Variants in AEBP2 observed in about 807,000 individuals in gnomAD.
The protein encoded by AEBP2 is zinc finger protein AEBP2.
A neutral mutation model predicts 50.8 loss-of-function variants in AEBP2; 10 were observed. That is an observed-to-expected ratio of 0.20 (90% confidence interval 0.12 to 0.33). AEBP2 has a LOEUF of 0.33. Ranked by LOEUF, AEBP2 falls within the 10% of genes least tolerant of loss-of-function variation. AEBP2 has a pLI of 1.00. For synonymous variants in AEBP2, 296 were observed against 261.3 expected, an observed-to-expected ratio of 1.13 and a Z score of -1.28; for missense variants, 570 against 688.0, an observed-to-expected ratio of 0.83 and a Z score of 1.92.
chr12:19,408,051 C>CAA (rs111495452), intron 1 of AEBP2, among the ~76,000 whole-genome samples: 86 of 138,148 alleles, frequency 6.2e-4, no homozygotes, highest in Middle Eastern at 3.7e-3. Context: ...AACTCTGTCT[C>CAA]AAAAAAAAAA....
chr12:19,507,777 C>CTATA (rs1204993782), intron 5 of AEBP2, among the ~76,000 whole-genome samples: 2 of 152,076 alleles, frequency 1.3e-5, no homozygotes, highest in Non-Finnish European at 2.9e-5. Flanking sequence ...CTCCAAAGTT[C>CTATA]TATAACTGGG....
chr12:19,409,725 CAAT>C (rs1467616671), intron 1 of AEBP2, among the ~76,000 whole-genome samples: 2 of 152,202 alleles, frequency 1.3e-5, no homozygotes, highest in Non-Finnish European at 2.9e-5. Flanking sequence ...TTGACCAAGT[CAAT>C]CAGACCAGCT....
At chr12:19,448,968 C>T (rs1319122565) in intron 1 of AEBP2, among the ~76,000 whole-genome samples, 1 of 152,174 alleles carries the variant, frequency 6.6e-6, no homozygotes, top group Non-Finnish European at 1.5e-5. Flanking sequence ...GTGTGAGCCA[C>T]CACACCTGGC....
Position 19,427,963 on chromosome 12 carries a change from A to G in AEBP2, c.-17+23747A>G, listed in dbSNP as rs191368152. The stretch of plus-strand genomic sequence containing the variant: ...TCTCTTGTTGCCCAGGCTGGAGTGC[A>G]ATGGTGTGATCTCCCGTAATCCCAG... On this transcript the variant is annotated intron_variant, in intron 1 of 3. Transcript: ENST00000538425. 1.0e-3 allele frequency among the ~76,000 whole-genome samples: 155 copies of G among 151,858 alleles called. 2 individuals are homozygous for G. The highest frequency in any genetic ancestry group is 6.6e-3 in the East Asian group (34 of 5,150).
chr12:19,454,346 CTT>C (rs1394510029), intron 1 of AEBP2, among the ~76,000 whole-genome samples: 1 of 152,170 alleles, frequency 6.6e-6, no homozygotes, highest in East Asian at 1.9e-4. Flanking sequence ...TTTATGTCAA[CTT>C]TTAATTGTTA....
rs1432156553 is a variant in AEBP2 at position 19,519,751 on chromosome 12, CT to C, written c.*1637del. On this transcript the variant is annotated 3_prime_UTR_variant, in exon 8 of 8. Coordinates refer to ENST00000266508, the MANE Select transcript of AEBP2 (RefSeq NM_153207.5). ...CGATACATAAATCATTTCTCATTTGCTTTAAAAAATTTAAAAGTGTAAAAAT... is the reference window on the plus strand; with the variant it reads ...CGATACATAAATCATTTCTCATTTGCTTAAAAAATTTAAAAGTGTAAAAAT... The C allele has an allele frequency of 6.6e-6, 1 of 152,416 alleles. No homozygotes were observed. The highest frequency in any genetic ancestry group is 1.5e-5 in the Non-Finnish European group (1 of 67,944). 9.4% of individuals were successfully genotyped at this position (152,416 alleles called of 1,614,324 possible).
intron 1 of AEBP2, chr12:19,456,104 C>T (rs1948265667): frequency 1.0e-5 from 5 of 485,704 alleles, no homozygotes; most frequent in Non-Finnish European, 1.4e-5. Context: ...AAACATTCTC[C>T]TTTCCTTCTG....
At chr12:19,508,684 G>C (rs1205741760) in intron 5 of AEBP2, among the ~76,000 whole-genome samples, 1 of 152,042 alleles carries the variant, frequency 6.6e-6, no homozygotes, top group Non-Finnish European at 1.5e-5. Flanking sequence ...ATGTTAACTT[G>C]CATAGATTCC....
rs1458569471 is a variant in AEBP2 at position 19,446,944 on chromosome 12, AC to A, written c.671+6575del. 2.0e-5 allele frequency among the ~76,000 whole-genome samples: 3 copies of A among 152,246 alleles called. No individual in the cohort carries two copies. In the East Asian group the frequency reaches 5.8e-4, roughly 29 times the overall value. ...TCACAAAAAACAAAAAAACAAAAAA[AC>A]AAAAAAATTAGAGTTGGAACGTGTT... On this transcript the variant is annotated intron_variant, in intron 1 of 7. Transcript: ENST00000266508.
intron 1 of AEBP2, among the ~76,000 whole-genome samples, chr12:19,424,776 G>A (rs1206225366): frequency 1.3e-5 from 2 of 152,062 alleles, no homozygotes; most frequent in African/African-American, 2.4e-5. Context: ...GGGAAGTCGA[G>A]GTGGGTGGAT....
chr12:19,495,262 A>G lies in AEBP2; in HGVS notation c.1174+1276A>G, dbSNP rs532879651. Among the ~76,000 whole-genome samples, 9 of 152,326 alleles carry G rather than the reference A, an allele frequency of 5.9e-5. No individual in the cohort carries two copies. The South Asian group carries it at 1.7e-3, about 28-fold the overall frequency. ...GAAATACCAATGGGTGAATGAGTGA[A>G]TAAAGCTTTCATTGAAAGGGAGTCT... On this transcript the variant is annotated intron_variant, in intron 4 of 7. Coordinates refer to ENST00000266508, the MANE Select transcript of AEBP2 (RefSeq NM_153207.5).
intron 2 of AEBP2, among the ~76,000 whole-genome samples, chr12:19,468,945 G>A (rs1948529799): frequency 6.6e-6 from 1 of 152,158 alleles, no homozygotes; most frequent in Admixed American, 6.6e-5. Flanking sequence ...TGTTTTTTGA[G>A]ATGGGGTCTC....
upstream of AEBP2, among the ~76,000 whole-genome samples, chr12:19,438,683 TTA>T (rs1206943495): frequency 3.3e-5 from 5 of 152,204 alleles, no homozygotes; most frequent in South Asian, 2.1e-4. Context: ...CACATTTTTA[TTA>T]CAAGTAAGAC....
intron 7 of AEBP2, among the ~76,000 whole-genome samples, chr12:19,516,838 C>T (rs753321267): frequency 1.3e-5 from 2 of 152,054 alleles, no homozygotes; most frequent in Admixed American, 6.6e-5. Flanking sequence ...ACCAGCCTGG[C>T]CAACATGATG....
At chr12:19,514,908 C>T in intron 7 of AEBP2, 124 bp downstream of exon 7, 1 of 687,820 alleles carries the variant, frequency 1.5e-6, no homozygotes, top group African/African-American at 1.9e-5. Context: ...TCATTACTTC[C>T]TGGCTTTTTT....
At chr12:19,517,038 G>A (rs1217980999) in intron 7 of AEBP2, among the ~76,000 whole-genome samples, 1 of 151,958 alleles carries the variant, frequency 6.6e-6, no homozygotes, top group African/African-American at 2.4e-5. Flanking sequence ...AAATAAAAAA[G>A]GCCATCTTAA....
chr12:19,483,543 G>A (rs1187472078), intron 3 of AEBP2, among the ~76,000 whole-genome samples: 1 of 152,150 alleles, frequency 6.6e-6, no homozygotes, highest in Non-Finnish European at 1.5e-5. Flanking sequence ...AAAGTTCACG[G>A]TGCGAGTCTC....
chr12:19,461,293 A>C (rs2153370021), intron 1 of AEBP2, among the ~76,000 whole-genome samples: 1 of 152,298 alleles, frequency 6.6e-6, no homozygotes, highest in Non-Finnish European at 1.5e-5. Context: ...TTTATTGAGA[A>C]GATTTTGAAA....
At chr12:19,488,438 T>C (rs1213576090) in intron 3 of AEBP2, among the ~76,000 whole-genome samples, 1 of 151,908 alleles carries the variant, frequency 6.6e-6, no homozygotes, top group Non-Finnish European at 1.5e-5. Context: ...ATATTAAATA[T>C]TGTTTGTGGT....
Sources: gnomAD v4.1 joint callset for allele counts (sites outside exome capture counted in the v4.1 genomes callset) on GRCh38, gnomAD v4.1.1 for gene constraint, MANE v1.5 for transcripts, NCBI Gene and HGNC (gene_info 2026-07-23, HGNC 2026-07-21) for gene names.